NPHP4: variants seen among roughly 807,000 people sequenced by gnomAD.
The protein encoded by NPHP4 is nephrocystin 4, also known as nephrocystin-4.
In NPHP4, 151 loss-of-function variants were observed where a neutral mutation model predicts 155.8. The ratio of observed to expected loss-of-function variants is 0.97; its 90% confidence interval spans 0.85 to 1.11. The LOEUF (loss-of-function observed/expected upper bound fraction) is 1.11. Among genes scored for constraint, NPHP4 ranks in the 50% least tolerant of loss-of-function variants. The probability of loss-of-function intolerance (pLI) is 0.00; values close to 1 mark genes in which losing one functional copy is unlikely to be tolerated. For synonymous variants in NPHP4, 845 were observed against 816.8 expected, an observed-to-expected ratio of 1.03 and a Z score of -0.59; for missense variants, 1,956 against 1,925.7, an observed-to-expected ratio of 1.02 and a Z score of -0.29.
chr1:5,907,860 T>G (rs1644987434), intron 12 of NPHP4, among the ~76,000 whole-genome samples: 1 of 152,302 alleles, frequency 6.6e-6, no homozygotes, highest in African/African-American at 2.4e-5. Context: ...CTGGCTAGGG[T>G]TTGGCATAGT....
chr1:5,967,299 G>A lies in NPHP4; in HGVS notation c.517C>T (p.Gln173Ter), dbSNP rs997408852. 9 of 1,601,088 alleles carry A rather than the reference G, an allele frequency of 5.6e-6. No individual in the cohort carries two copies. The highest frequency in any genetic ancestry group is 2.3e-5 in the South Asian group (2 of 88,088). Residue 173 changes from glutamine to a stop codon, truncating the protein, a stop_gained and splice_region_variant, in exon 5 of 30, where the codon CAA (glutamine) becomes TAA (stop). Coordinates refer to ENST00000378156, the MANE Select transcript of NPHP4 (RefSeq NM_015102.5). LOFTEE classifies it high-confidence loss of function. ...LHPLLQDPAE[Q>*]NRHMTLIENC... is the part of the protein sequence containing the mutation. The stretch of plus-strand genomic sequence containing the variant: ...TGCCAAGGCCAGGTCTGGCTCTTAC[G>A]CTCTGCGGGGTCCTGGAGAAGCGGG...
At chr1:5,936,670 T>A (rs1231867994) in intron 9 of NPHP4, among the ~76,000 whole-genome samples, 1 of 152,194 alleles carries the variant, frequency 6.6e-6, no homozygotes, top group Non-Finnish European at 1.5e-5. Flanking sequence ...TGAGTCAGGT[T>A]TTGTTGTGGA....
intron 23 of NPHP4, among the ~76,000 whole-genome samples, chr1:5,868,586 ATGCACACCCACATGCATGCAGGCACACG>A (rs1184187772): frequency 2.6e-5 from 4 of 150,972 alleles, no homozygotes; most frequent in Non-Finnish European, 5.9e-5. Flanking sequence ...ATACACATAC[ATGCACACCCACATGCATGCAGGCACACG>A]TGCACACACA....
At chr1:5,876,528 C>T (rs1642626335) in intron 20 of NPHP4, 1 of 152,286 alleles carries the variant, frequency 6.6e-6, no homozygotes, top group Admixed American at 6.5e-5. Flanking sequence ...AGTTTACTGT[C>T]AGGAAAAGGG....
At chr1:5,926,185 T>C (rs1374030360) in intron 11 of NPHP4, among the ~76,000 whole-genome samples, 2 of 152,174 alleles carry the variant, frequency 1.3e-5, no homozygotes, top group Non-Finnish European at 2.9e-5. Context: ...AACAAGCTGT[T>C]AGGCACAAAA....
intron 9 of NPHP4, among the ~76,000 whole-genome samples, chr1:5,941,230 G>A (rs141347950): frequency 2.8e-5 from 4 of 141,338 alleles, no homozygotes; most frequent in South Asian, 2.3e-4. Flanking sequence ...GGGACCAGAT[G>A]GCCACTGGGA....
chr1:5,874,841 G>C (rs1178737632), intron 21 of NPHP4, 33 bp downstream of exon 21: 1 of 1,595,458 alleles, frequency 6.3e-7, no homozygotes, highest in East Asian at 2.2e-5. Context: ...ACAGATCTGG[G>C]CTGGGGCAGG....
chr1:5,867,788 A>T lies in NPHP4; in HGVS notation c.3424T>A (p.Ser1142Thr). The T allele has an allele frequency of 6.2e-7, 1 of 1,612,548 alleles. No homozygotes were observed. Among genetic ancestry groups the T allele is most frequent in the Non-Finnish European group, 8.5e-7 (1 of 1,179,870 alleles). The part of the protein sequence containing the change: ...QVFRFYHPEL[S>T]FLKKAIRLPP... ...AGGCGGATGGCCTTCTTCAGGAAGG[A>T]GAGCTCCGGGTGATAGAAGCGGAAG... Residue 1142 changes from serine (S) to threonine (T), a missense_variant, in exon 24 of 30, where the codon TCC (serine) becomes ACC (threonine). Coordinates refer to ENST00000378156, the MANE Select transcript of NPHP4 (RefSeq NM_015102.5). The surrounding 1 kb of genome is among the most constrained non-coding windows in gnomAD (Gnocchi z 4.1).
chr1:5,879,782 C>CAT (rs1643026217), intron 19 of NPHP4: 1 of 420,514 alleles, frequency 2.4e-6, no homozygotes, highest in Admixed American at 3.5e-5. Flanking sequence ...GGTGCGCACA[C>CAT]ACACACACAC....
chr1:5,988,470 T>A (rs1029635678), intron 1 of NPHP4, among the ~76,000 whole-genome samples: 2 of 152,222 alleles, frequency 1.3e-5, no homozygotes, highest in Non-Finnish European at 2.9e-5. Context: ...ATATAGTTGG[T>A]TTTTGTAAAA....
intron 27 of NPHP4, 93 bp from the exon 28 acceptor site, chr1:5,864,610 G>A (rs1031730394): frequency 1.2e-5 from 15 of 1,253,370 alleles, no homozygotes; most frequent in African/African-American, 1.5e-5. Context: ...AGCCAGGGGA[G>A]CCCAAGGTCA....
intron 5 of NPHP4, among the ~76,000 whole-genome samples, chr1:5,966,325 A>T (rs1488377506): frequency 6.6e-6 from 1 of 152,128 alleles, no homozygotes; most frequent in Non-Finnish European, 1.5e-5. Context: ...ACCACACTGT[A>T]ATCTCTGCCT....
chr1:5,875,608 C>A (rs899571207), intron 20 of NPHP4, among the ~76,000 whole-genome samples: 6 of 152,212 alleles, frequency 3.9e-5, no homozygotes, highest in African/African-American at 1.4e-4. Flanking sequence ...GCTCAGCCAC[C>A]CCCTTGCTCT....
chr1:5,888,780 C>T (rs932743542), intron 17 of NPHP4, among the ~76,000 whole-genome samples: 2 of 152,194 alleles, frequency 1.3e-5, no homozygotes, highest in South Asian at 4.1e-4. Flanking sequence ...GGACACAGTG[C>T]CCTCTGTCTT....
chr1:5,888,861 G>C (rs546238264), intron 17 of NPHP4, among the ~76,000 whole-genome samples: 5 of 152,174 alleles, frequency 3.3e-5, no homozygotes, highest in Non-Finnish European at 7.3e-5. Context: ...CGGCCCTCAC[G>C]GTGGCACCAT....
intron 17 of NPHP4, among the ~76,000 whole-genome samples, chr1:5,888,132 C>T (rs554354504): frequency 6.6e-6 from 1 of 152,182 alleles, no homozygotes; most frequent in African/African-American, 2.4e-5. Context: ...CATGCCAGGC[C>T]GAGGCTGCTC....
chr1:5,964,941 A>ATATATATATATATTT, intron 5 of NPHP4, among the ~76,000 whole-genome samples: 4 of 59,414 alleles, frequency 6.7e-5, no homozygotes, highest in Admixed American at 2.3e-4. Context: ...ATATATATAT[A>ATATATATATATATTT]TTTTTTTTTT....
chr1:5,990,699 C>T (rs1210430653), intron 1 of NPHP4, among the ~76,000 whole-genome samples: 1 of 152,144 alleles, frequency 6.6e-6, no homozygotes, highest in Non-Finnish European at 1.5e-5. Flanking sequence ...ATAACTACCT[C>T]CCACTACCTC....
chr1:5,929,795 G>T (rs1646185728), intron 10 of NPHP4, among the ~76,000 whole-genome samples: 2 of 152,078 alleles, frequency 1.3e-5, no homozygotes, highest in South Asian at 4.1e-4. Context: ...TTCTGGTTTT[G>T]ATATCAGGGT....
Sources: allele counts gnomAD v4.1 joint callset (sites outside exome capture counted in the v4.1 genomes callset), GRCh38; gene constraint gnomAD v4.1.1; non-coding constraint Gnocchi (gnomAD v3.1); transcripts MANE v1.5; gene names NCBI Gene and HGNC (gene_info 2026-07-23, HGNC 2026-07-21).